The following PI4KA variants were observed in gnomAD, a reference collection of about 807,000 sequenced individuals.
PI4KA encodes the protein PI4-kinase alpha.
A neutral mutation model predicts 271.4 loss-of-function variants in PI4KA; 122 were observed. The observed-to-expected ratio is 0.45, with a 90% confidence interval of 0.39 to 0.52. PI4KA has a LOEUF of 0.52. PI4KA is among the 20% of genes least tolerant of loss of function. PI4KA has a pLI of 0.00. For synonymous variants in PI4KA, 1,041 were observed against 1,078.8 expected (o/e 0.96, Z 0.69); for missense variants, 1,969 against 2,769.1 (o/e 0.71, Z 6.48).
At chr22:20,793,705 T>C (rs145815961) in intron 18 of PI4KA, among the ~76,000 whole-genome samples, 1 of 152,342 alleles carries the variant, frequency 6.6e-6, no homozygotes, top group East Asian at 1.9e-4. Flanking sequence ...AGTCAAGGGA[T>C]AAGTGCTTTT....
chr22:20,858,431 C>G (rs1927920886), intron 1 of PI4KA, 139 bp downstream of exon 1: 2 of 535,918 alleles, frequency 3.7e-6, no homozygotes, highest in Non-Finnish European at 5.7e-6. Context: ...CCCGCTAGAT[C>G]CCTCCGCTCA....
chr22:20,785,667 C>CAAAAAAA (rs1934162575), intron 19 of PI4KA, among the ~76,000 whole-genome samples: 1 of 151,802 alleles, frequency 6.6e-6, no homozygotes, highest in African/African-American at 2.4e-5. Context: ...AAACCAAATG[C>CAAAAAAA]CTAAAATTGG....
intron 19 of PI4KA, among the ~76,000 whole-genome samples, chr22:20,791,065 GA>G (rs1934615601): frequency 6.6e-6 from 1 of 152,140 alleles, no homozygotes; most frequent in Non-Finnish European, 1.5e-5. Context: ...GTCCAACCTG[GA>G]ACCCTGTGAC....
At chr22:20,770,223 G>C (rs1399431603) in intron 19 of PI4KA, among the ~76,000 whole-genome samples, 19 of 151,340 alleles carry the variant, frequency 1.3e-4, no homozygotes, top group Non-Finnish European at 4.4e-5. Flanking sequence ...GTAGAGATGG[G>C]TTTTGCTAGC....
Position 20,734,415 on chromosome 22 carries a change from G to A in PI4KA, c.3880C>T (p.Pro1294Ser), listed in dbSNP as rs371017095. The change falls in exon 33 of 55, where the codon CCC becomes TCC. Residue 1294 changes from proline to serine, a missense_variant. By Grantham distance (74) the Pro-to-Ser change is moderately conservative. This residue lies in a region of PI4KA where 203 missense variants were observed against 256.8 expected (regional missense o/e 0.79). Transcript: ENST00000255882. ...CGTACGTCGATCCAGATGTAGTGGG[G>A]GGTCACTTCGGGGGGACAGGGTTTG... ...QPKPCPPEVT[P>S]HYIWIDFLVQ... is the part of the protein sequence containing the mutation. 16 of 1,595,678 alleles carry A rather than the reference G, an allele frequency of 1.0e-5. No individual in the cohort carries two copies. In the African/African-American group the frequency reaches 2.2e-4, roughly 22 times the overall value.
chr22:20,826,665 C>T (rs1569077780), intron 3 of PI4KA, among the ~76,000 whole-genome samples: 1 of 152,246 alleles, frequency 6.6e-6, no homozygotes, highest in Non-Finnish European at 1.5e-5. Context: ...TACATTCACA[C>T]CAGCAGTGTG....
chr22:20,803,106 G>T, intron 13 of PI4KA, 85 bp downstream of exon 13: 1 of 1,401,828 alleles, frequency 7.1e-7, no homozygotes, highest in Admixed American at 1.7e-5. Flanking sequence ...ATGCACCCAG[G>T]TACAGTCATG....
At chr22:20,838,305 C>A (rs1305242696) in intron 2 of PI4KA, among the ~76,000 whole-genome samples, 1 of 152,064 alleles carries the variant, frequency 6.6e-6, no homozygotes, top group African/African-American at 2.4e-5. Context: ...CCAAACCTAC[C>A]CTGGAAGGCA....
intron 28 of PI4KA, among the ~76,000 whole-genome samples, chr22:20,749,427 G>C (rs1930439311): frequency 6.6e-6 from 1 of 152,262 alleles, no homozygotes; most frequent in African/African-American, 2.4e-5. Context: ...TTCCAAACCA[G>C]TGTTTTTGTC....
chr22:20,836,330 G>T (rs1360426857), intron 2 of PI4KA, among the ~76,000 whole-genome samples: 1 of 152,158 alleles, frequency 6.6e-6, no homozygotes, highest in Non-Finnish European at 1.5e-5. Flanking sequence ...GGGGGACTTT[G>T]TTATACCATA....
chr22:20,834,026 T>G (rs907985692), intron 3 of PI4KA, among the ~76,000 whole-genome samples: 1 of 152,118 alleles, frequency 6.6e-6, no homozygotes, highest in Non-Finnish European at 1.5e-5. Flanking sequence ...AGTGCTAGAA[T>G]TACAGGAGTG....
At chr22:20,857,017 G>A (rs780765119) in intron 1 of PI4KA, among the ~76,000 whole-genome samples, 1 of 152,220 alleles carries the variant, frequency 6.6e-6, no homozygotes, top group African/African-American at 2.4e-5. Flanking sequence ...CGAATGTGCT[G>A]ACTAGCTAGC....
At chr22:20,779,525 AG>A in intron 19 of PI4KA, 1 of 1,613,994 alleles carries the variant, frequency 6.2e-7, no homozygotes, top group Non-Finnish European at 8.5e-7. Flanking sequence ...ACTGGATTCC[AG>A]AGGGGGAGGA....
At chr22:20,753,557 T>A (rs950853606) in intron 23 of PI4KA, among the ~76,000 whole-genome samples, 3 of 152,226 alleles carry the variant, frequency 2.0e-5, no homozygotes, top group Non-Finnish European at 4.4e-5. Flanking sequence ...TTTTGTGACT[T>A]TGACACTTTT....
rs1219306194 is a variant in PI4KA at position 20,858,732 on chromosome 22, A to C, written c.-7T>G. The C allele has an allele frequency of 1.4e-6, 2 of 1,391,616 alleles. No homozygotes were observed. Among genetic ancestry groups the C allele is most frequent in the South Asian group, 1.5e-5 (1 of 65,624 alleles). The allele number at this position is 1,391,616 out of a possible 1,614,324, so 86.2% of individuals were successfully genotyped here. Reference sequence around the variant, plus strand: ...GGGCCGGGGCCGCCGCCATCACCTCACGAGCCGCGGCGCTGCCCGCCGGCT... The same window carrying C: ...GGGCCGGGGCCGCCGCCATCACCTCCCGAGCCGCGGCGCTGCCCGCCGGCT... On this transcript the variant is annotated 5_prime_UTR_variant, in exon 1 of 55. Coordinates refer to ENST00000255882, the MANE Select transcript of PI4KA (RefSeq NM_058004.4).
chr22:20,761,309 T>C lies in PI4KA; in HGVS notation c.2786A>G (p.Lys929Arg). 1.3e-6 allele frequency: 2 copies of C among 1,594,956 alleles called. No homozygotes were observed. Among genetic ancestry groups the C allele is most frequent in the Non-Finnish European group, 8.6e-7 (1 of 1,162,466 alleles). ...YFEDKAIQKDKSGMMQCVIAV... is the reference protein window; with the variant it reads ...YFEDKAIQKDRSGMMQCVIAV... ...CACCATAATAATGAGCTTACCAGATTTGTCTTTCTGAATAGCTTTATCCTC... is the reference window on the plus strand; with the variant it reads ...CACCATAATAATGAGCTTACCAGATCTGTCTTTCTGAATAGCTTTATCCTC... Residue 929 changes from lysine to arginine, a missense_variant, in exon 23 of 55, where the codon AAA (lysine) becomes AGA (arginine). By Grantham distance (26) the Lys-to-Arg change is conservative. Transcript: ENST00000255882.
Position 20,813,248 on chromosome 22 carries a change from G to A in PI4KA, c.1005+110C>T, listed in dbSNP as rs370452687. ...TCTGCAAGTTTATGACTATTAAATT[G>A]TACTTTGAAATACTGGTACTCTGAG... On this transcript the variant is annotated intron_variant, in intron 8 of 54. Transcript: ENST00000255882. 1,011 of 780,264 alleles carry A rather than the reference G, an allele frequency of 1.3e-3. 15 individuals are homozygous for A. The South Asian group carries it at 0.017, about 13-fold the overall frequency. 48.3% of individuals were successfully genotyped at this position (780,264 alleles called of 1,614,324 possible). A position where few individuals can be genotyped will look rare whatever the true frequency, so the allele number is the denominator to read the frequency against.
chr22:20,747,452 A>C, intron 29 of PI4KA, 131 bp downstream of exon 29: 1 of 907,512 alleles, frequency 1.1e-6, no homozygotes, highest in Non-Finnish European at 1.6e-6. Flanking sequence ...TACCATTGTC[A>C]ACAGACATCC....
At chr22:20,818,402 A>G (rs1601563098) in intron 7 of PI4KA, 81 bp downstream of exon 7, 2 of 1,003,864 alleles carry the variant, frequency 2.0e-6, no homozygotes, top group Non-Finnish European at 3.0e-6. Context: ...TAGTATCAGC[A>G]TCCTTAATAT....
Sources: gnomAD v4.1 joint callset for allele counts (sites outside exome capture counted in the v4.1 genomes callset) on GRCh38, gnomAD v4.1.1 for gene constraint, gnomAD v4.1.1 regional missense constraint, MANE v1.5 for transcripts, NCBI Gene and HGNC (gene_info 2026-07-23, HGNC 2026-07-21) for gene names.